The following CMIP variants were observed in gnomAD, a reference collection of about 807,000 sequenced individuals.
CMIP encodes the protein c-Maf inducing protein.
CMIP carries 13 observed loss-of-function variants against 97.3 expected under a neutral mutation model. The ratio of observed to expected loss-of-function variants is 0.13; its 90% CI spans 0.09 to 0.21. The LOEUF (loss-of-function observed/expected upper bound fraction) is 0.21. Ranked by LOEUF, CMIP falls within the 10% of genes least tolerant of loss-of-function variation. The pLI, the probability that CMIP is intolerant of heterozygous loss-of-function variation, is 1.00. For missense variants in CMIP, 847 were observed against 1,024.9 expected (o/e 0.83, Z 2.37); for synonymous variants, 538 against 436.3 (o/e 1.23, Z -2.91).
intron 3 of CMIP, among the ~76,000 whole-genome samples, chr16:81,637,488 G>C (rs971006300): frequency 3.9e-5 from 6 of 152,184 alleles, no homozygotes; most frequent in African/African-American, 1.2e-4. Context: ...ATAGCTCCAG[G>C]ATGCAAATGC....
chr16:81,519,452 GTTC>G (rs1473283344), intron 1 of CMIP: 2 of 152,406 alleles, frequency 1.3e-5, no homozygotes, highest in African/African-American at 4.8e-5. Flanking sequence ...GAGGAATTGG[GTTC>G]TCTGGGCTGT....
intron 1 of CMIP, among the ~76,000 whole-genome samples, chr16:81,525,790 C>T (rs2090119898): frequency 6.6e-6 from 1 of 152,220 alleles, no homozygotes; most frequent in Non-Finnish European, 1.5e-5. Flanking sequence ...ACTCCCGACC[C>T]CTGGCAATCA....
intron 1 of CMIP, among the ~76,000 whole-genome samples, chr16:81,462,378 C>T (rs1906946541): frequency 6.6e-6 from 1 of 152,148 alleles, no homozygotes; most frequent in Middle Eastern, 3.4e-3. Flanking sequence ...TTTTAGCATC[C>T]ATAATATAGG....
At chr16:81,663,725 G>A (rs1200088951) in intron 6 of CMIP, among the ~76,000 whole-genome samples, 1 of 152,180 alleles carries the variant, frequency 6.6e-6, no homozygotes, top group Non-Finnish European at 1.5e-5. Context: ...ACGGTCCTTT[G>A]GGGAGGCAAG....
intron 1 of CMIP, among the ~76,000 whole-genome samples, chr16:81,603,841 C>T (rs866902249): frequency 2.0e-5 from 3 of 152,140 alleles, no homozygotes; most frequent in East Asian, 1.9e-4. Context: ...CAAAATAGTT[C>T]GTTTGATTGC....
intron 1 of CMIP, among the ~76,000 whole-genome samples, chr16:81,505,107 G>A (rs1192863192): frequency 2.6e-5 from 4 of 152,208 alleles, no homozygotes; most frequent in Admixed American, 6.5e-5. Flanking sequence ...TCATCTGATC[G>A]TGCAGTGACC....
intron 9 of CMIP, among the ~76,000 whole-genome samples, chr16:81,674,798 C>G (rs1201457029): frequency 6.6e-6 from 1 of 151,908 alleles, no homozygotes; most frequent in African/African-American, 2.4e-5. Context: ...GTTGGCCAGG[C>G]TGGTCTCGAA....
At position 81,453,340 on chromosome 16, in the gene CMIP, G is replaced by T. The variant is rs1259391210; in HGVS notation, c.300+7799G>T. On this transcript the variant is annotated intron_variant, in intron 1 of 20. Transcript: ENST00000537098. The surrounding 1 kb of genome is among the most constrained non-coding windows in gnomAD (Gnocchi z 4.0). The stretch of plus-strand genomic sequence containing the variant: ...GGTGGATATAGGATTTGAGTGTATG[G>T]AATCAAACAGCCATCTGGGTGCTTC... 6.6e-6 allele frequency among the ~76,000 whole-genome samples: 1 copy of T among 152,216 alleles called. No homozygotes were observed.
At chr16:81,533,032 C>A (rs149562486) in intron 1 of CMIP, among the ~76,000 whole-genome samples, 1 of 152,154 alleles carries the variant, frequency 6.6e-6, no homozygotes, top group Admixed American at 6.5e-5. Flanking sequence ...CCTCCTGTCT[C>A]CTGTCAGAAG....
At chr16:81,489,167 C>T (rs994741632) in intron 1 of CMIP, among the ~76,000 whole-genome samples, 2 of 152,168 alleles carry the variant, frequency 1.3e-5, no homozygotes, top group Non-Finnish European at 2.9e-5. Flanking sequence ...TAGCTGGTGG[C>T]ATGAGGAAAG....
Position 81,652,970 on chromosome 16 carries a change from C to G in CMIP, c.639+606C>G, listed in dbSNP as rs115738188. ...CAAGCAAAGACAAGCCCCCTACCCCCCTGGAGCTTGTGTCCCGGCAGGGGA... is the reference window on the plus strand; with the variant it reads ...CAAGCAAAGACAAGCCCCCTACCCCGCTGGAGCTTGTGTCCCGGCAGGGGA... On this transcript the variant is annotated intron_variant, in intron 4 of 20. Coordinates refer to ENST00000537098, the MANE Select transcript of CMIP (RefSeq NM_198390.3). This position sits in a 1 kb window ranked among gnomAD's most constrained non-coding sequence, Gnocchi z 5.2. Among the ~76,000 whole-genome samples the G allele has an allele frequency of 7.2e-5, 11 of 152,274 alleles. No homozygotes were observed. Among genetic ancestry groups the G allele is most frequent in the African/African-American group, 2.4e-4 (10 of 41,532 alleles).
At chr16:81,556,911 G>T (rs982642796) in intron 1 of CMIP, among the ~76,000 whole-genome samples, 1 of 152,232 alleles carries the variant, frequency 6.6e-6, no homozygotes, top group East Asian at 1.9e-4. Context: ...AACTGTCCCA[G>T]ACCAGGGAGG....
chr16:81,455,260 G>A (rs947928640), intron 1 of CMIP, among the ~76,000 whole-genome samples: 9 of 152,210 alleles, frequency 5.9e-5, no homozygotes, highest in Non-Finnish European at 1.2e-4. Flanking sequence ...GGCCACTCGT[G>A]TGATTAGTGT....
Position 81,590,702 on chromosome 16 carries a change from G to C in CMIP, c.301-16865G>C, listed in dbSNP as rs2091453247. On this transcript the variant is annotated intron_variant, in intron 1 of 20. Transcript: ENST00000537098. ...TGAGGGCCTTAGGATGTCTCAGTAG[G>C]ACCCAGTCCTGGCGTAAACAACAAA... is the stretch of plus-strand genomic sequence containing the variant. Among the ~76,000 whole-genome samples, 9 of 152,300 alleles carry C rather than the reference G, an allele frequency of 5.9e-5. No homozygotes were observed. In the South Asian group the frequency reaches 1.9e-3, roughly 32 times the overall value.
At chr16:81,547,447 G>A (rs965353907) in intron 1 of CMIP, among the ~76,000 whole-genome samples, 1 of 152,148 alleles carries the variant, frequency 6.6e-6, no homozygotes, top group Non-Finnish European at 1.5e-5. Flanking sequence ...CTTGCTGTGG[G>A]CACGCTGAGC....
At chr16:81,510,119 G>A (rs1478851061) in intron 1 of CMIP, among the ~76,000 whole-genome samples, 1 of 152,174 alleles carries the variant, frequency 6.6e-6, no homozygotes, top group Non-Finnish European at 1.5e-5. Context: ...TTTGTCTCTT[G>A]GGCCTCTATC....
chr16:81,584,853 G>C (rs764771770), intron 1 of CMIP, among the ~76,000 whole-genome samples: 1 of 152,228 alleles, frequency 6.6e-6, no homozygotes, highest in South Asian at 2.1e-4. Flanking sequence ...GGCTGTGGAT[G>C]AAGCCTGCTG....
intron 1 of CMIP, among the ~76,000 whole-genome samples, chr16:81,507,563 G>A (rs1433648829): frequency 6.6e-6 from 1 of 152,226 alleles, no homozygotes; most frequent in African/African-American, 2.4e-5. Flanking sequence ...TTTAATTGGT[G>A]CGTAATGTAA....
rs372723038 is a variant in CMIP at position 81,556,458 on chromosome 16, C to T, written c.301-51109C>T. ...CTGCACCCTTTTATATTCGCGCCAA[C>T]AATGCGTGAAGGTTGTGATTTCTCC... On this transcript the variant is annotated intron_variant, in intron 1 of 20. Transcript: ENST00000537098. Among the ~76,000 whole-genome samples the T allele has an allele frequency of 2.0e-5, 3 of 152,280 alleles. No homozygotes were observed. The East Asian group carries it at 5.8e-4, about 29-fold the overall frequency.
Sources: gnomAD v4.1 joint callset for allele counts (sites outside exome capture counted in the v4.1 genomes callset) on GRCh38, gnomAD v4.1.1 for gene constraint, Gnocchi (gnomAD v3.1) non-coding constraint, MANE v1.5 for transcripts, NCBI Gene and HGNC (gene_info 2026-07-23, HGNC 2026-07-21) for gene names.